Variants in MRPL48 observed in about 807,000 individuals in gnomAD.
The protein encoded by MRPL48 is mitochondrial ribosomal protein L48, also known as large ribosomal subunit protein mL48.
In MRPL48, 16 loss-of-function variants were observed where a neutral mutation model predicts 32.9. The observed-to-expected ratio is 0.49, with a 90% CI of 0.33 to 0.74. MRPL48 has a LOEUF of 0.74. Ranked by LOEUF, MRPL48 falls within the 30% of genes least tolerant of loss-of-function variation. MRPL48 has a pLI of 0.02. For synonymous variants in MRPL48, 94 were observed against 89.2 expected, an observed-to-expected ratio of 1.05 and a Z score of -0.31; for missense variants, 206 against 245.3, an observed-to-expected ratio of 0.84 and a Z score of 1.07.
intron 6 of MRPL48, among the ~76,000 whole-genome samples, chr11:73,861,946 C>T (rs1421080207): frequency 6.6e-6 from 1 of 152,204 alleles, no homozygotes; most frequent in Non-Finnish European, 1.5e-5. Context: ...CAGCGTTTGA[C>T]ACCAGTCAGG....
intron 3 of MRPL48, among the ~76,000 whole-genome samples, 173 bp from the exon 4 acceptor site, chr11:73,825,535 G>C (rs1033797479): frequency 2.6e-5 from 4 of 151,894 alleles, no homozygotes; most frequent in African/African-American, 4.8e-5. Context: ...TCGGCGGGGA[G>C]GGGGGTGTGG....
intron 3 of MRPL48, 121 bp from the exon 4 acceptor site, chr11:73,825,587 C>A: frequency 1.2e-6 from 1 of 836,012 alleles, no homozygotes; most frequent in Non-Finnish European, 1.8e-6. Context: ...TTCGAGGCTT[C>A]AATGAGCTAT....
In MRPL48 at chr11:73,847,103, G is replaced by A. The variant is rs115711984; in HGVS notation, c.371+2127G>A. On this transcript the variant is annotated intron_variant, in intron 5 of 7. Coordinates refer to ENST00000310614, the MANE Select transcript of MRPL48 (RefSeq NM_016055.6). The stretch of plus-strand genomic sequence containing the variant: ...TTTCTGGATTGTATAGTAAGTTTAT[G>A]TTTAACTTTATAAGAAATTGCCAAA... 6.8e-3 allele frequency among the ~76,000 whole-genome samples: 1,029 copies of A among 151,654 alleles called. 18 individuals are homozygous for A. The highest frequency in any genetic ancestry group is 0.024 in the African/African-American group (985 of 41,352).
chr11:73,848,979 G>T (rs1016844210), intron 5 of MRPL48, among the ~76,000 whole-genome samples: 4 of 151,898 alleles, frequency 2.6e-5, no homozygotes, highest in Non-Finnish European at 5.9e-5. Flanking sequence ...GTGCCACCAT[G>T]CCTGGCTAAT....
At chr11:73,825,062 T>C (rs1947858406) in intron 3 of MRPL48, among the ~76,000 whole-genome samples, 1 of 152,188 alleles carries the variant, frequency 6.6e-6, no homozygotes, top group South Asian at 2.1e-4. Flanking sequence ...AATATAGTTA[T>C]TGTATGTTAA....
chr11:73,848,815 G>C (rs1948340557), intron 5 of MRPL48, among the ~76,000 whole-genome samples: 1 of 150,462 alleles, frequency 6.6e-6, no homozygotes, highest in South Asian at 2.1e-4. Flanking sequence ...TCTTCCCTTT[G>C]TAATTTTTTT....
chr11:73,840,492 G>GTTGTTTT (rs1251511435), intron 4 of MRPL48, among the ~76,000 whole-genome samples: 5 of 152,168 alleles, frequency 3.3e-5, no homozygotes, highest in South Asian at 4.1e-4. Flanking sequence ...AGACCCTGTT[G>GTTGTTTT]TTGTTTTTTG....
chr11:73,804,557 A>G (rs1178290602), intron 1 of MRPL48, among the ~76,000 whole-genome samples: 1 of 152,158 alleles, frequency 6.6e-6, no homozygotes, highest in Non-Finnish European at 1.5e-5. Flanking sequence ...GGCATGAGCC[A>G]CCGCACCTGG....
intron 1 of MRPL48, among the ~76,000 whole-genome samples, chr11:73,795,157 C>T (rs966161566): frequency 6.6e-6 from 1 of 152,122 alleles, no homozygotes; most frequent in African/African-American, 2.4e-5. Flanking sequence ...CTCAGCCAGT[C>T]CGCCCGCCTC....
intron 1 of MRPL48, among the ~76,000 whole-genome samples, chr11:73,791,952 C>G (rs1045582953): frequency 1.3e-5 from 2 of 152,152 alleles, no homozygotes; most frequent in Non-Finnish European, 2.9e-5. Context: ...GAGACACGGT[C>G]TCACTATGTT....
intron 3 of MRPL48, among the ~76,000 whole-genome samples, chr11:73,821,072 G>T (rs1947771972): frequency 6.6e-6 from 1 of 152,070 alleles, no homozygotes; most frequent in Non-Finnish European, 1.5e-5. Context: ...ATAGTTCACT[G>T]CAGCCTTGAA....
intron 3 of MRPL48, among the ~76,000 whole-genome samples, chr11:73,813,736 C>T (rs1947609487): frequency 6.6e-6 from 1 of 151,814 alleles, no homozygotes; most frequent in Non-Finnish European, 1.5e-5. Flanking sequence ...CTTTTCTACC[C>T]TAAGATTATT....
chr11:73,810,756 G>A (rs1445308284), intron 3 of MRPL48, among the ~76,000 whole-genome samples: 1 of 148,834 alleles, frequency 6.7e-6, no homozygotes, highest in Non-Finnish European at 1.5e-5. Flanking sequence ...CCCTCCCTGT[G>A]TCCATGTGTT....
At chr11:73,862,282 C>T (rs1429258469) in intron 6 of MRPL48, among the ~76,000 whole-genome samples, 2 of 152,128 alleles carry the variant, frequency 1.3e-5, no homozygotes, top group African/African-American at 4.8e-5. Context: ...ATTAGCCAGG[C>T]GTGGTGGCGC....
intron 4 of MRPL48, among the ~76,000 whole-genome samples, 157 bp from the exon 5 acceptor site, chr11:73,844,650 T>C (rs1234951871): frequency 6.6e-6 from 1 of 152,218 alleles, no homozygotes; most frequent in Admixed American, 6.5e-5. Context: ...AGCTGCTCTT[T>C]CCTTCCCAGG....
At chr11:73,841,132 A>C (rs1272567502) in intron 4 of MRPL48, among the ~76,000 whole-genome samples, 3 of 152,228 alleles carry the variant, frequency 2.0e-5, no homozygotes, top group Non-Finnish European at 4.4e-5. Flanking sequence ...AAACCTGACT[A>C]TACTGTTTTC....
At chr11:73,860,101 C>G in intron 6 of MRPL48, 92 bp downstream of exon 6, 1 of 1,092,672 alleles carries the variant, frequency 9.2e-7, no homozygotes, top group East Asian at 2.6e-5. Flanking sequence ...CTTTTCTTTT[C>G]TTTCTTGAAT....
chr11:73,788,021 CGGGGAGATG>C, intron 1 of MRPL48, 29 bp downstream of exon 1: 2 of 1,581,272 alleles, frequency 1.3e-6, no homozygotes, highest in Non-Finnish European at 1.7e-6. Context: ...ACGCGGGGCG[CGGGGAGATG>C]GCGGACGGTG....
chr11:73,800,193 G>C (rs1947332622), intron 1 of MRPL48, among the ~76,000 whole-genome samples: 1 of 151,820 alleles, frequency 6.6e-6, no homozygotes. Flanking sequence ...AAGATTGCTT[G>C]AGGCCAGGAG....
Sources: gnomAD v4.1 joint callset for allele counts (sites outside exome capture counted in the v4.1 genomes callset) on GRCh38, gnomAD v4.1.1 for gene constraint, MANE v1.5 for transcripts, NCBI Gene and HGNC (gene_info 2026-07-23, HGNC 2026-07-21) for gene names.